GPRIN3: variants seen among roughly 807,000 people sequenced by gnomAD.
The protein encoded by GPRIN3 is GPRIN family member 3, also known as G protein-regulated inducer of neurite outgrowth 3.
Under a neutral mutation model 13.7 loss-of-function variants are expected in GPRIN3, and 12 were observed. That is an observed-to-expected ratio of 0.87 (90% CI 0.56 to 1.42). GPRIN3 has a LOEUF of 1.42. Among genes scored for constraint, GPRIN3 ranks in the 40% most tolerant of loss-of-function variants. GPRIN3 has a pLI of 0.00. For missense variants in GPRIN3, 1,009 were observed against 958.7 expected, an observed-to-expected ratio of 1.05 and a Z score of -0.69; for synonymous variants, 377 against 372.7, an observed-to-expected ratio of 1.01 and a Z score of -0.13.
At chr4:89,266,375 C>T (rs575956583) in intron 1 of GPRIN3, among the ~76,000 whole-genome samples, 14 of 152,302 alleles carry the variant, frequency 9.2e-5, no homozygotes, top group Middle Eastern at 3.4e-3. Context: ...CAGTACCTGT[C>T]ACTGATATTG....
At chr4:89,262,558 G>A (rs1046204643) in intron 1 of GPRIN3, among the ~76,000 whole-genome samples, 2 of 152,152 alleles carry the variant, frequency 1.3e-5, no homozygotes, top group African/African-American at 4.8e-5. Context: ...GCTGGTCTAC[G>A]CTTCAACACC....
intron 1 of GPRIN3, among the ~76,000 whole-genome samples, chr4:89,280,576 G>T (rs72872564): frequency 0.031 from 4,758 of 152,254 alleles, 253 homozygotes; most frequent in African/African-American, 0.11. Flanking sequence ...TTTCCTGAAT[G>T]CTCTCTACTG....
At position 89,247,845 on chromosome 4, in the gene GPRIN3, T is replaced by C. The variant is rs1241272706; in HGVS notation, c.2266A>G (p.Met756Val). 5.6e-6 allele frequency: 9 copies of C among 1,614,044 alleles called. No homozygotes were observed. Among genetic ancestry groups the C allele is most frequent in the Non-Finnish European group, 7.6e-6 (9 of 1,180,002 alleles). Residue 756 changes from methionine (M) to valine (V), a missense_variant, in exon 2 of 2, where the codon ATG (methionine) becomes GTG (valine). Met to Val is a conservative substitution (Grantham distance 21). Coordinates refer to ENST00000609438, the MANE Select transcript of GPRIN3 (RefSeq NM_198281.3). ...RGRQHSVFQS[M>V]LQNFRRPNCC... ...TTGGGGCGTCGGAAGTTCTGCAGCA[T>C]GGACTGGAAAACACTGTGCTGCCTT... is the stretch of plus-strand genomic sequence containing the variant.
intron 1 of GPRIN3, among the ~76,000 whole-genome samples, chr4:89,253,016 G>A (rs112402204): frequency 0.013 from 1,545 of 122,748 alleles, 1 homozygote; most frequent in Middle Eastern, 0.018. Context: ...TCTCAAAAAA[G>A]AAAAAAAAAA....
rs554904254 is a variant in GPRIN3, at chr4:89,244,231, T to A, written c.*3549A>T. Reference sequence around the variant, plus strand: ...ACTTTAAGACAGCAAGCTCCTATTATGAATTTGGTTCTGAAATCCAACCTC... The same window carrying A: ...ACTTTAAGACAGCAAGCTCCTATTAAGAATTTGGTTCTGAAATCCAACCTC... On this transcript the variant is annotated 3_prime_UTR_variant, in exon 2 of 2. Transcript: ENST00000609438. 2.0e-5 allele frequency: 3 copies of A among 152,218 alleles called. No homozygotes were observed. Among genetic ancestry groups the A allele is most frequent in the Non-Finnish European group, 2.9e-5 (2 of 68,010 alleles). The allele number at this position is 152,218 out of a possible 1,614,324, so 9.4% of individuals were successfully genotyped here.
At chr4:89,284,066 C>A (rs939760275) in intron 1 of GPRIN3, among the ~76,000 whole-genome samples, 3 of 152,152 alleles carry the variant, frequency 2.0e-5, no homozygotes, top group African/African-American at 7.2e-5. Flanking sequence ...GGCAGAAAAG[C>A]AACTGTGTTG....
rs766025580 is a variant in GPRIN3 at position 89,247,927 on chromosome 4, A to C, written c.2184T>G (p.Asn728Lys). The C allele has an allele frequency of 6.2e-7, 1 of 1,614,102 alleles. No homozygotes were observed. The highest frequency in any genetic ancestry group is 2.2e-5 in the East Asian group (1 of 44,882). The change falls in exon 2 of 2, where the codon AAT (asparagine) becomes AAG (lysine). Residue 728 changes from asparagine (N) to lysine (K), a missense_variant. Physicochemically the swap from Asn to Lys is moderately conservative, Grantham distance 94 (BLOSUM62 0). Coordinates refer to ENST00000609438, the MANE Select transcript of GPRIN3 (RefSeq NM_198281.3). ...REHEKLIKTQ[N>K]SQTRRSISSD... ...AGGAAATGGATCTCCGGGTCTGGCT[A>C]TTTTGAGTTTTGATTAATTTCTCAT...
intron 1 of GPRIN3, among the ~76,000 whole-genome samples, chr4:89,294,297 A>G (rs1724671518): frequency 6.6e-6 from 1 of 152,206 alleles, no homozygotes; most frequent in Admixed American, 6.5e-5. Flanking sequence ...TTGTAATCTC[A>G]GCACTTTGGG....
intron 1 of GPRIN3, among the ~76,000 whole-genome samples, chr4:89,254,128 G>GGTATGTGTGTGTGTGT (rs1723404379): frequency 6.8e-6 from 1 of 147,646 alleles, no homozygotes; most frequent in Non-Finnish European, 1.5e-5. Flanking sequence ...GTTGCATCTG[G>GGTATGTGTGTGTGTGT]GTGTGTGTGT....
rs1255857644 is a variant in GPRIN3 at position 89,246,484 on chromosome 4, G to A, written c.*1296C>T. ...GACACACGTCTCTTCTGGAGACACG[G>A]GAGGGCCAAGGTCCCAGGAAGTATA... On this transcript the variant is annotated 3_prime_UTR_variant, in exon 2 of 2. Transcript: ENST00000609438. 2.0e-5 allele frequency: 3 copies of A among 152,178 alleles called. No homozygotes were observed. The highest frequency in any genetic ancestry group is 6.5e-5 in the Admixed American group (1 of 15,274). The allele number at this position is 152,178 out of a possible 1,614,324, so 9.4% of individuals were successfully genotyped here.
chr4:89,282,603 T>C (rs989273082), intron 1 of GPRIN3, among the ~76,000 whole-genome samples: 1 of 151,918 alleles, frequency 6.6e-6, no homozygotes, highest in Non-Finnish European at 1.5e-5. Flanking sequence ...AATTTTTTTT[T>C]TTTTTTTTTT....
Position 89,284,177 on chromosome 4 carries a change from C to A in GPRIN3, c.-124+23438G>T, listed in dbSNP as rs116085596. On this transcript the variant is annotated intron_variant, in intron 1 of 1. Coordinates refer to ENST00000609438, the MANE Select transcript of GPRIN3 (RefSeq NM_198281.3). ...GGAAAGGTGTGCTGGGCAGAATGCC[C>A]TGAAGGATGGGGAGTCAGCCAGGTG... Among the ~76,000 whole-genome samples the A allele has an allele frequency of 7.8e-3, 1,188 of 152,260 alleles. 22 individuals are homozygous for A. Among genetic ancestry groups the A allele is most frequent in the African/African-American group, 0.027 (1,115 of 41,530 alleles).
At chr4:89,294,553 T>A (rs1724677436) in intron 1 of GPRIN3, among the ~76,000 whole-genome samples, 1 of 152,214 alleles carries the variant, frequency 6.6e-6, no homozygotes, top group Non-Finnish European at 1.5e-5. Flanking sequence ...ATGCATCTTC[T>A]CATTTTTACA....
At chr4:89,253,015 A>AG (rs1553949720) in intron 1 of GPRIN3, among the ~76,000 whole-genome samples, 1 of 121,744 alleles carries the variant, frequency 8.2e-6, no homozygotes, top group Non-Finnish European at 1.8e-5. Flanking sequence ...TTCTCAAAAA[A>AG]GAAAAAAAAA....
intron 1 of GPRIN3, among the ~76,000 whole-genome samples, chr4:89,283,525 C>T (rs1374991022): frequency 6.6e-6 from 1 of 152,126 alleles, no homozygotes; most frequent in African/African-American, 2.4e-5. Flanking sequence ...TCTGCCAGTC[C>T]TCACCTTCAG....
At position 89,248,100 on chromosome 4, in the gene GPRIN3, A is replaced by C; in HGVS notation, c.2011T>G (p.Ser671Ala). 1 of 1,614,068 alleles carries C rather than the reference A, an allele frequency of 6.2e-7. No individual in the cohort carries two copies. The highest frequency in any genetic ancestry group is 1.1e-5 in the South Asian group (1 of 91,080). ...GDKKKQLGADSKLQLKQSKRV... is the reference protein window; with the variant it reads ...GDKKKQLGADAKLQLKQSKRV... ...TTGGACTGTTTCAGCTGGAGCTTGGAGTCTGCGCCAAGCTGCTTTTTCTTA... is the reference window on the plus strand; with the variant it reads ...TTGGACTGTTTCAGCTGGAGCTTGGCGTCTGCGCCAAGCTGCTTTTTCTTA... The change falls in exon 2 of 2, where the codon TCC (serine) becomes GCC (alanine). Residue 671 changes from serine to alanine, a missense_variant. Ser to Ala is a moderately conservative substitution (Grantham distance 99). Transcript: ENST00000609438.
At chr4:89,262,278 G>C (rs1217604599) in intron 1 of GPRIN3, among the ~76,000 whole-genome samples, 2 of 151,974 alleles carry the variant, frequency 1.3e-5, no homozygotes, top group Non-Finnish European at 2.9e-5. Context: ...ATTAAGAAGA[G>C]AAAAATGAGT....
intron 1 of GPRIN3, among the ~76,000 whole-genome samples, chr4:89,270,016 T>A (rs1723885339): frequency 1.3e-5 from 2 of 152,194 alleles, no homozygotes; most frequent in Admixed American, 1.3e-4. Flanking sequence ...TTGAGTATCT[T>A]TAATTCTCAT....
intron 1 of GPRIN3, among the ~76,000 whole-genome samples, chr4:89,283,350 A>C (rs1724307738): frequency 6.6e-6 from 1 of 152,224 alleles, no homozygotes; most frequent in Admixed American, 6.5e-5. Flanking sequence ...TCATTGCTAC[A>C]GATTTCAATG....
Sources: allele counts gnomAD v4.1 joint callset (sites outside exome capture counted in the v4.1 genomes callset), GRCh38; gene constraint gnomAD v4.1.1; transcripts MANE v1.5; gene names NCBI Gene and HGNC (gene_info 2026-07-23, HGNC 2026-07-21).